KCNMA1: variants seen among roughly 807,000 people sequenced by gnomAD.
KCNMA1 encodes the protein Calcium-activated potassium channel subunit alpha-1.
In KCNMA1, 29 loss-of-function variants were observed where a neutral mutation model predicts 140.0. That is an observed-to-expected ratio of 0.21 (90% confidence interval 0.15 to 0.28). The LOEUF is 0.28. Among genes scored for constraint, KCNMA1 ranks in the 10% least tolerant of loss-of-function variants. The pLI, the probability that KCNMA1 is intolerant of heterozygous loss-of-function variation, is 1.00. For synonymous variants in KCNMA1, 612 were observed against 611.9 expected, an observed-to-expected ratio of 1.00 and a Z score of 0.00; for missense variants, 880 against 1,602.2, an observed-to-expected ratio of 0.55 and a Z score of 7.70.
intron 3 of KCNMA1, chr10:77,217,564 G>A (rs1055534881): frequency 8.8e-5 from 40 of 456,122 alleles, no homozygotes; most frequent in South Asian, 1.9e-4. Flanking sequence ...AGGAGCTGCC[G>A]AATGAAAACA....
chr10:77,450,066 G>A (rs1384949624), intron 1 of KCNMA1, among the ~76,000 whole-genome samples: 1 of 152,126 alleles, frequency 6.6e-6, no homozygotes, highest in Non-Finnish European at 1.5e-5. Context: ...CCTCCACCAT[G>A]CCTGGCTTTA....
chr10:77,216,156 T>C (rs2047715534), intron 3 of KCNMA1, among the ~76,000 whole-genome samples: 1 of 152,084 alleles, frequency 6.6e-6, no homozygotes, highest in Non-Finnish European at 1.5e-5. Context: ...AGAAAGTAGA[T>C]GAGTAGTTGC....
At chr10:76,936,603 G>A (rs193264091) in intron 23 of KCNMA1, among the ~76,000 whole-genome samples, 27 of 152,262 alleles carry the variant, frequency 1.8e-4, no homozygotes, top group African/African-American at 6.3e-4. Context: ...TGTTATATGG[G>A]AGCAGCTGAA....
At chr10:77,379,333 A>G (rs536474682) in intron 2 of KCNMA1, among the ~76,000 whole-genome samples, 1 of 152,288 alleles carries the variant, frequency 6.6e-6, no homozygotes, top group East Asian at 1.9e-4. Context: ...ATCCTCAACC[A>G]TTTTTAAATT....
intron 5 of KCNMA1, among the ~76,000 whole-genome samples, chr10:77,159,035 GT>G (rs1178364155): frequency 3.3e-5 from 5 of 152,188 alleles, no homozygotes; most frequent in Non-Finnish European, 1.5e-5. Flanking sequence ...TGTTGTGTGA[GT>G]TTTTTCCCCA....
intron 3 of KCNMA1, among the ~76,000 whole-genome samples, chr10:77,226,099 T>A (rs1295090183): frequency 6.6e-6 from 1 of 152,156 alleles, no homozygotes; most frequent in African/African-American, 2.4e-5. Context: ...ATTTTAGACA[T>A]GGTATTTAAT....
intron 1 of KCNMA1, among the ~76,000 whole-genome samples, chr10:77,608,143 C>G (rs2085240549): frequency 6.6e-6 from 1 of 152,108 alleles, no homozygotes; most frequent in African/African-American, 2.4e-5. Flanking sequence ...CCTGCACCCA[C>G]CCCTGGCTAA....
At chr10:77,570,742 A>AT (rs1491336354) in intron 1 of KCNMA1, among the ~76,000 whole-genome samples, 2 of 76,948 alleles carry the variant, frequency 2.6e-5, no homozygotes, top group East Asian at 5.9e-4. Flanking sequence ...TATAATAATA[A>AT]TAAAAAAAAG....
intron 1 of KCNMA1, among the ~76,000 whole-genome samples, chr10:77,495,296 C>G (rs777514083): frequency 4.6e-5 from 7 of 152,312 alleles, no homozygotes; most frequent in Admixed American, 3.9e-4. Flanking sequence ...TGTGGCCTCC[C>G]GCCTGCACTG....
At position 77,001,590 on chromosome 10, in the gene KCNMA1, T is replaced by A; in HGVS notation, c.2093-10A>T. ...TAGATGGACATCTTGGCTATAACCG[T>A]GTGGTTGGATGGGAGGAGAGGAAGA... On this transcript the variant is annotated splice_polypyrimidine_tract_variant and intron_variant, in intron 18 of 27. Transcript: ENST00000286628. 6.5e-7 allele frequency: 1 copy of A among 1,547,188 alleles called. No homozygotes were observed.
At chr10:77,626,495 T>G (rs1485609356) in intron 1 of KCNMA1, among the ~76,000 whole-genome samples, 1 of 152,198 alleles carries the variant, frequency 6.6e-6, no homozygotes, top group African/African-American at 2.4e-5. Flanking sequence ...GCCTTTCATC[T>G]TCCAAATCTT....
At chr10:77,061,015 G>GA (rs1413614082) in intron 14 of KCNMA1, among the ~76,000 whole-genome samples, 1 of 151,942 alleles carries the variant, frequency 6.6e-6, no homozygotes, top group African/African-American at 2.4e-5. Flanking sequence ...GAAAAGGAAG[G>GA]AAAAAAACTT....
intron 1 of KCNMA1, among the ~76,000 whole-genome samples, chr10:77,627,977 G>A (rs1045975277): frequency 4.6e-5 from 7 of 152,140 alleles, no homozygotes; most frequent in African/African-American, 1.7e-4. Context: ...CTACAAACCT[G>A]AAGCCCCCAG....
intron 23 of KCNMA1, among the ~76,000 whole-genome samples, chr10:76,923,924 G>C (rs1184765663): frequency 6.6e-6 from 1 of 152,166 alleles, no homozygotes; most frequent in Non-Finnish European, 1.5e-5. Flanking sequence ...AGGATTGCTT[G>C]AGCCAGGGAG....
At chr10:77,514,377 G>A (rs1448135297) in intron 1 of KCNMA1, among the ~76,000 whole-genome samples, 2 of 152,196 alleles carry the variant, frequency 1.3e-5, no homozygotes, top group African/African-American at 4.8e-5. Flanking sequence ...GTGGTCATCT[G>A]GCACCTAATC....
At chr10:77,333,673 A>C (rs914639619) in intron 2 of KCNMA1, among the ~76,000 whole-genome samples, 1 of 152,222 alleles carries the variant, frequency 6.6e-6, no homozygotes, top group African/African-American at 2.4e-5. Flanking sequence ...ATATTCCTTG[A>C]GCAGTATCTC....
At chr10:77,183,158 A>C (rs761896164) in intron 5 of KCNMA1, among the ~76,000 whole-genome samples, 10 of 152,172 alleles carry the variant, frequency 6.6e-5, no homozygotes, top group Non-Finnish European at 1.2e-4. Flanking sequence ...ATGAACATAA[A>C]GGCCCTGGCT....
intron 1 of KCNMA1, among the ~76,000 whole-genome samples, chr10:77,616,228 AG>A (rs1342242623): frequency 3.3e-5 from 5 of 152,224 alleles, no homozygotes; most frequent in Non-Finnish European, 7.3e-5. Context: ...ACATTCCAGC[AG>A]GGGGTGGACA....
intron 19 of KCNMA1, among the ~76,000 whole-genome samples, chr10:76,998,384 T>A (rs1236139079): frequency 1.3e-5 from 2 of 152,088 alleles, no homozygotes; most frequent in African/African-American, 4.8e-5. Flanking sequence ...AGAAATGAAT[T>A]AGGCAGTCTC....
Sources: gnomAD v4.1 joint callset for allele counts (sites outside exome capture counted in the v4.1 genomes callset) on GRCh38, gnomAD v4.1.1 for gene constraint, MANE v1.5 for transcripts, NCBI Gene and HGNC (gene_info 2026-07-23, HGNC 2026-07-21) for gene names.